The following RBFOX1 variants were observed in gnomAD, a reference collection of about 807,000 sequenced individuals.
RBFOX1 encodes the protein RNA binding protein fox-1 homolog 1.
RBFOX1 carries 8 observed loss-of-function variants against 57.7 expected under a neutral mutation model. That is an observed-to-expected ratio of 0.14 (90% CI 0.08 to 0.25). The LOEUF is 0.25. Ranked by LOEUF, RBFOX1 falls within the 10% of genes least tolerant of loss-of-function variation. The pLI, the probability that RBFOX1 is intolerant of heterozygous loss-of-function variation, is 1.00. For synonymous variants in RBFOX1, 326 were observed against 222.4 expected (o/e 1.47, Z -4.15); for missense variants, 611 against 548.5 (o/e 1.11, Z -1.14).
chr16:6,283,762 G>C (rs559718228), intron 1 of RBFOX1, among the ~76,000 whole-genome samples: 1 of 152,162 alleles, frequency 6.6e-6, no homozygotes, highest in Non-Finnish European at 1.5e-5. Flanking sequence ...TTTCTTTGCA[G>C]TACTCTAATT....
chr16:6,773,297 G>C (rs1322497158), intron 3 of RBFOX1, among the ~76,000 whole-genome samples: 4 of 137,308 alleles, frequency 2.9e-5, no homozygotes, highest in Non-Finnish European at 3.1e-5. Flanking sequence ...GTGGGTGTGG[G>C]GTGCATTTGT....
chr16:6,754,704 T>TTG (rs982288384), intron 3 of RBFOX1, among the ~76,000 whole-genome samples: 5 of 144,294 alleles, frequency 3.5e-5, no homozygotes, highest in African/African-American at 1.4e-4. Context: ...TGGAATGTTG[T>TTG]TTTTTTTTTA....
intron 4 of RBFOX1, among the ~76,000 whole-genome samples, chr16:7,218,057 G>A (rs901328294): frequency 3.8e-5 from 5 of 130,146 alleles, no homozygotes; most frequent in East Asian, 2.7e-4. Context: ...ATTTGCATGC[G>A]TGTGCGTGTG....
At chr16:6,467,894 C>T (rs1217922992) in intron 2 of RBFOX1, among the ~76,000 whole-genome samples, 3 of 152,136 alleles carry the variant, frequency 2.0e-5, no homozygotes, top group African/African-American at 4.8e-5. Flanking sequence ...ATCTACATCC[C>T]TTTGTTGAAA....
chr16:7,300,871 A>T (rs2141994904), intron 4 of RBFOX1, among the ~76,000 whole-genome samples: 1 of 152,284 alleles, frequency 6.6e-6, no homozygotes, highest in South Asian at 2.1e-4. Context: ...CCTGTGGGGT[A>T]TGTATAACCA....
chr16:6,313,704 C>T (rs1315634518), intron 1 of RBFOX1, among the ~76,000 whole-genome samples: 1 of 152,104 alleles, frequency 6.6e-6, no homozygotes, highest in Non-Finnish European at 1.5e-5. Flanking sequence ...TCTTTAGCTT[C>T]TGTGTAATCT....
chr16:7,126,324 G>T (rs528444508), intron 4 of RBFOX1: 98 of 297,436 alleles, frequency 3.3e-4, no homozygotes, highest in African/African-American at 2.1e-3. Context: ...TCATGGGGCA[G>T]CACCCGCAGG....
chr16:6,708,024 C>T (rs1409434279), intron 3 of RBFOX1, among the ~76,000 whole-genome samples: 1 of 152,104 alleles, frequency 6.6e-6, no homozygotes, highest in African/African-American at 2.4e-5. Flanking sequence ...ACCTTAGTTT[C>T]AGAAGAAAGG....
chr16:6,566,230 A>T (rs753040971), intron 2 of RBFOX1, among the ~76,000 whole-genome samples: 2 of 152,198 alleles, frequency 1.3e-5, no homozygotes, highest in Non-Finnish European at 2.9e-5. Flanking sequence ...GGTGAAAAGC[A>T]ACTGAGATCC....
intron 1 of RBFOX1, among the ~76,000 whole-genome samples, chr16:6,040,148 TATTA>T (rs2095420335): frequency 6.6e-6 from 1 of 152,258 alleles, no homozygotes; most frequent in African/African-American, 2.4e-5. Flanking sequence ...ATAGTTTACA[TATTA>T]ATTCACTCTG....
chr16:6,224,570 C>T (rs1268627588), intron 1 of RBFOX1, among the ~76,000 whole-genome samples: 1 of 152,066 alleles, frequency 6.6e-6, no homozygotes, highest in African/African-American at 2.4e-5. Context: ...GTTGGTGTTG[C>T]TTGTACCCTA....
chr16:7,158,570 G>A (rs2077619842), intron 4 of RBFOX1, among the ~76,000 whole-genome samples: 1 of 152,044 alleles, frequency 6.6e-6, no homozygotes, highest in Non-Finnish European at 1.5e-5. Context: ...TGTGGTGTGT[G>A]TTTGTGTGGT....
chr16:5,796,439 G>C (rs1322597863), intron 3 of RBFOX1, among the ~76,000 whole-genome samples: 1 of 152,160 alleles, frequency 6.6e-6, no homozygotes, highest in Non-Finnish European at 1.5e-5. Flanking sequence ...GGCCTCAAAA[G>C]CATCACATGG....
At position 6,944,892 on chromosome 16, in the gene RBFOX1, A is replaced by G. The variant is rs375761215; in HGVS notation, c.-15-107165A>G. Among the ~76,000 whole-genome samples, 10 of 152,168 alleles carry G rather than the reference A, an allele frequency of 6.6e-5. No homozygotes were observed. The South Asian group carries it at 1.0e-3, about 16-fold the overall frequency. On this transcript the variant is annotated intron_variant, in intron 3 of 15. Coordinates refer to ENST00000550418, the MANE Select transcript of RBFOX1 (RefSeq NM_018723.4). ...GATGATGGCTGATTCGTGGGTAGCT[A>G]TGAATTTGCAGCTCTTAGCTATTCT...
chr16:7,444,624 C>G (rs979037616), intron 4 of RBFOX1, among the ~76,000 whole-genome samples: 1 of 152,042 alleles, frequency 6.6e-6, no homozygotes, highest in East Asian at 1.9e-4. Flanking sequence ...CCTCAACCTC[C>G]CAGGCTCAAG....
At chr16:6,668,920 C>A (rs763912503) in intron 3 of RBFOX1, among the ~76,000 whole-genome samples, 1 of 152,124 alleles carries the variant, frequency 6.6e-6, no homozygotes, top group African/African-American at 2.4e-5. Context: ...AAAGATTGTT[C>A]TGTCATCTCT....
intron 2 of RBFOX1, among the ~76,000 whole-genome samples, chr16:6,369,435 G>T (rs539333840): frequency 1.3e-5 from 2 of 152,180 alleles, no homozygotes; most frequent in Non-Finnish European, 2.9e-5. Flanking sequence ...CTTAGACATA[G>T]CATCTCTACC....
At chr16:5,968,323 C>T (rs1181081683) in intron 4 of RBFOX1, among the ~76,000 whole-genome samples, 4 of 152,132 alleles carry the variant, frequency 2.6e-5, no homozygotes, top group African/African-American at 7.2e-5. Context: ...GATCCCCCCG[C>T]CTCAGCCTCC....
intron 4 of RBFOX1, among the ~76,000 whole-genome samples, chr16:7,427,320 C>G (rs543579665): frequency 6.6e-6 from 1 of 152,072 alleles, no homozygotes; most frequent in Non-Finnish European, 1.5e-5. Flanking sequence ...GGATGTAGGA[C>G]GGGGCCAAGT....
Sources: allele counts gnomAD v4.1 joint callset (sites outside exome capture counted in the v4.1 genomes callset), GRCh38; gene constraint gnomAD v4.1.1; transcripts MANE v1.5; gene names NCBI Gene and HGNC (gene_info 2026-07-23, HGNC 2026-07-21).